SMARCA5: variants seen among roughly 807,000 people sequenced by gnomAD.
The protein encoded by SMARCA5 is SNF2 related chromatin remodeling ATPase 5, also known as SWI/SNF-related matrix-associated actin-dependent regulator of chromatin subfamily A member 5.
A neutral mutation model predicts 140.4 loss-of-function variants in SMARCA5; 18 were observed. The ratio of observed to expected loss-of-function variants is 0.13; its 90% CI spans 0.09 to 0.19. SMARCA5 has a LOEUF of 0.19. SMARCA5 is among the 10% of genes least tolerant of loss of function. SMARCA5 has a pLI of 1.00. For synonymous variants in SMARCA5, 449 were observed against 419.6 expected, an observed-to-expected ratio of 1.07 and a Z score of -0.86; for missense variants, 606 against 1,276.8, an observed-to-expected ratio of 0.47 and a Z score of 8.01.
At chr4:143,517,575 A>C in intron 2 of SMARCA5, 146 bp downstream of exon 2, 2 of 537,354 alleles carry the variant, frequency 3.7e-6, no homozygotes, top group South Asian at 2.7e-5. Context: ...TATTTCTTAG[A>C]GTTCTGGAGG....
chr4:143,547,116 A>C (rs564003558), intron 20 of SMARCA5, among the ~76,000 whole-genome samples: 3 of 152,138 alleles, frequency 2.0e-5, no homozygotes, highest in African/African-American at 7.2e-5. Context: ...AGCTAACTCT[A>C]GCGACAGCAA....
At position 143,555,213 on chromosome 4, in the gene SMARCA5, C is replaced by T. The variant is rs1737723062; in HGVS notation, c.*2029C>T. 2.5e-6 allele frequency: 2 copies of T among 805,136 alleles called. No individual in the cohort carries two copies. The highest frequency in any genetic ancestry group is 2.5e-5 in the East Asian group (1 of 40,404). The allele number at this position is 805,136 out of a possible 1,614,324, so 49.9% of individuals were successfully genotyped here. On this transcript the variant is annotated 3_prime_UTR_variant, in exon 24 of 24. Coordinates refer to ENST00000283131, the MANE Select transcript of SMARCA5 (RefSeq NM_003601.4). ...TATTGGCCTCTACCACCATAGGGCC[C>T]AGAGCTTCTGCCTCCAAAGTTTCCT... is the stretch of plus-strand genomic sequence containing the variant.
Position 143,536,437 on chromosome 4 carries a change from T to C in SMARCA5, c.1269-15T>C, listed in dbSNP as rs1737307171. ...GAACATTTGAGCTCTAAAAATGTTT[T>C]TCTTCTTTGAATAGGTATACTCGGA... On this transcript the variant is annotated splice_polypyrimidine_tract_variant and intron_variant, in intron 10 of 23. Transcript: ENST00000283131. 6.3e-7 allele frequency: 1 copy of C among 1,576,254 alleles called. No homozygotes were observed. Among genetic ancestry groups the C allele is most frequent in the African/African-American group, 1.4e-5 (1 of 74,068 alleles).
At chr4:143,530,062 A>C (rs1302547555) in intron 8 of SMARCA5, among the ~76,000 whole-genome samples, 1 of 152,206 alleles carries the variant, frequency 6.6e-6, no homozygotes, top group Non-Finnish European at 1.5e-5. Flanking sequence ...TTTGATTAAA[A>C]TTGACATTGT....
At chr4:143,530,302 A>G (rs1487533094) in intron 8 of SMARCA5, among the ~76,000 whole-genome samples, 156 bp from the exon 9 acceptor site, 1 of 152,228 alleles carries the variant, frequency 6.6e-6, no homozygotes, top group Non-Finnish European at 1.5e-5. Context: ...AAAATTAGTA[A>G]CAATGACACA....
chr4:143,540,639 G>A, intron 14 of SMARCA5, 144 bp downstream of exon 14: 1 of 710,988 alleles, frequency 1.4e-6, no homozygotes. Flanking sequence ...TGCAAATACA[G>A]TAAACTTTAG....
In SMARCA5 at chr4:143,546,850, T is replaced by G. The variant is rs777309076; in HGVS notation, c.2595T>G (p.Ile865Met). The G allele has an allele frequency of 3.7e-6, 6 of 1,612,638 alleles. No homozygotes were observed. In the East Asian group the frequency reaches 1.3e-4, roughly 36 times the overall value. ...KANEKWGRDD[I>M]ENIAREVEGK... ...ATGAGAAGTGGGGTCGTGATGATAT[T>G]GAAAATATAGCAAGAGAAGTAGAAG... Residue 865 changes from isoleucine (I) to methionine (M), a missense_variant, in exon 20 of 24, where the codon ATT becomes ATG. By Grantham distance (10) the Ile-to-Met change is conservative. Coordinates refer to ENST00000283131, the MANE Select transcript of SMARCA5 (RefSeq NM_003601.4).
Position 143,521,924 on chromosome 4 carries a change from A to G in SMARCA5, c.419+329A>G, listed in dbSNP as rs887827702. ...AAAAAAAAAAAAAAAAAAAGAATAA[A>G]ACTGCATAACGCCTTATTTTTTGTA... On this transcript the variant is annotated intron_variant, in intron 3 of 23. Transcript: ENST00000283131. Among the ~76,000 whole-genome samples, 11 of 151,846 alleles carry G rather than the reference A, an allele frequency of 7.2e-5. No individual in the cohort carries two copies. The East Asian group carries it at 7.7e-4, about 11-fold the overall frequency.
At chr4:143,549,387 G>C (rs1737596891) in intron 22 of SMARCA5, among the ~76,000 whole-genome samples, 1 of 152,104 alleles carries the variant, frequency 6.6e-6, no homozygotes, top group Non-Finnish European at 1.5e-5. Flanking sequence ...AGCCGTCCGT[G>C]CAGATGGACT....
chr4:143,519,426 G>A (rs1736909715), intron 2 of SMARCA5, among the ~76,000 whole-genome samples: 2 of 152,036 alleles, frequency 1.3e-5, no homozygotes, highest in East Asian at 1.9e-4. Context: ...TTATGATCTG[G>A]CCCCTTCCAA....
intron 3 of SMARCA5, 26 bp downstream of exon 3, chr4:143,521,621 T>C (rs777691599): frequency 5.7e-6 from 9 of 1,565,604 alleles, no homozygotes; most frequent in Non-Finnish European, 6.9e-6. Flanking sequence ...AACTTCATAG[T>C]TCAACCAAAC....
intron 3 of SMARCA5, among the ~76,000 whole-genome samples, chr4:143,523,995 C>T (rs918614973): frequency 6.6e-6 from 1 of 151,986 alleles, no homozygotes; most frequent in Admixed American, 6.5e-5. Context: ...CTCGAAGTTA[C>T]AATTTTAAAC....
At chr4:143,517,693 A>G (rs1430572404) in intron 2 of SMARCA5, among the ~76,000 whole-genome samples, 1 of 152,192 alleles carries the variant, frequency 6.6e-6, no homozygotes, top group Non-Finnish European at 1.5e-5. Context: ...ACTTTCTTTT[A>G]TAACAAGCTC....
chr4:143,528,131 G>T (rs1456191504), intron 7 of SMARCA5, 108 bp downstream of exon 7: 2 of 852,718 alleles, frequency 2.3e-6, no homozygotes, highest in East Asian at 2.9e-5. Flanking sequence ...AGAACGTGCA[G>T]GTTTGTTAAC....
chr4:143,522,261 C>T (rs532167011), intron 3 of SMARCA5, among the ~76,000 whole-genome samples: 2 of 152,182 alleles, frequency 1.3e-5, no homozygotes, highest in East Asian at 1.9e-4. Flanking sequence ...CGTTGTATGC[C>T]GTCCTTTGGT....
chr4:143,532,930 T>G (rs1737224989), intron 9 of SMARCA5, among the ~76,000 whole-genome samples: 1 of 152,190 alleles, frequency 6.6e-6, no homozygotes, highest in African/African-American at 2.4e-5. Flanking sequence ...GCCTGTTGAC[T>G]AGGGCTGAAC....
rs1258587202 is a variant in SMARCA5, at chr4:143,513,906, G to C, written c.-19G>C. ...GGACTCGGGCCTCTGGCAGCAGCGG[G>C]TGACGCAGACGGAACATCATGTCGT... On this transcript the variant is annotated 5_prime_UTR_variant, in exon 1 of 24. Transcript: ENST00000283131. The C allele has an allele frequency of 1.3e-6, 2 of 1,537,020 alleles. No homozygotes were observed. Among genetic ancestry groups the C allele is most frequent in the African/African-American group, 2.8e-5 (2 of 72,622 alleles).
chr4:143,514,492 G>A lies in SMARCA5; in HGVS notation c.177+391G>A, dbSNP rs114880429. On this transcript the variant is annotated intron_variant, in intron 1 of 23. Transcript: ENST00000283131. Reference sequence around the variant, plus strand: ...CCACCAAACTTCGGGGAAGGGCGAGGAGATGACCCCTTAGGAGCGGGATGC... The same window carrying A: ...CCACCAAACTTCGGGGAAGGGCGAGAAGATGACCCCTTAGGAGCGGGATGC... 1,084 of 183,658 alleles carry A rather than the reference G, an allele frequency of 5.9e-3. 4 individuals are homozygous for A. Among genetic ancestry groups the A allele is most frequent in the Middle Eastern group, 9.6e-3 (4 of 416 alleles). The allele number at this position is 183,658 out of a possible 1,614,324, so 11.4% of individuals were successfully genotyped here.
At position 143,525,647 on chromosome 4, in the gene SMARCA5, T is replaced by C. The variant is rs908525885; in HGVS notation, c.621+96T>C. 11 of 812,870 alleles carry C rather than the reference T, an allele frequency of 1.4e-5. No individual in the cohort carries two copies. In the African/African-American group the frequency reaches 1.9e-4, roughly 14 times the overall value. 50.4% of individuals were successfully genotyped at this position (812,870 alleles called of 1,614,324 possible). A position where few individuals can be genotyped will look rare whatever the true frequency, so the allele number is the denominator to read the frequency against. Reference sequence around the variant, plus strand: ...CTTACAGTCTACAACTGTTAGCAAATGGATCCTCTCAGAAACTAGTATAAG... The same window carrying C: ...CTTACAGTCTACAACTGTTAGCAAACGGATCCTCTCAGAAACTAGTATAAG... On this transcript the variant is annotated intron_variant, in intron 5 of 23. Transcript: ENST00000283131.
Sources: allele counts gnomAD v4.1 joint callset (sites outside exome capture counted in the v4.1 genomes callset), GRCh38; gene constraint gnomAD v4.1.1; transcripts MANE v1.5; gene names NCBI Gene and HGNC (gene_info 2026-07-23, HGNC 2026-07-21).